LGALS2: variants seen among roughly 807,000 people sequenced by gnomAD.
LGALS2 encodes galectin 2.
A neutral mutation model predicts 10.1 loss-of-function variants in LGALS2; 7 were observed. The observed-to-expected ratio is 0.70, with a 90% confidence interval of 0.40 to 1.31. LGALS2 has a LOEUF of 1.31. Ranked by LOEUF, LGALS2 falls within the 50% of genes most tolerant of loss-of-function variation. The probability of loss-of-function intolerance (pLI) is 0.01; values close to 1 mark genes in which losing one functional copy is unlikely to be tolerated. For synonymous variants in LGALS2, 86 were observed against 64.2 expected, an observed-to-expected ratio of 1.34 and a Z score of -1.63; for missense variants, 167 against 163.6, an observed-to-expected ratio of 1.02 and a Z score of -0.11.
At position 37,570,284 on chromosome 22, in the gene LGALS2, G is replaced by C; in HGVS notation, c.378C>G (p.Ser126=). The C allele has an allele frequency of 6.2e-7, 1 of 1,608,368 alleles. No individual in the cohort carries two copies. Among genetic ancestry groups the C allele is most frequent in the Non-Finnish European group, 8.5e-7 (1 of 1,175,474 alleles). ...TCTTTTATTCTTTTAACTTGAAAGA[G>C]GACATGTTGAACCCGCCCCTTACGC... ...YLSVRGGFNM[S]SFKLKE The change falls in exon 4 of 4, where the codon TCC becomes TCG. Residue 126 remains serine, a synonymous_variant. Coordinates refer to ENST00000215886, the MANE Select transcript of LGALS2 (RefSeq NM_006498.3).
At chr22:37,577,751 G>A (rs911597159) in intron 1 of LGALS2, among the ~76,000 whole-genome samples, 2 of 152,078 alleles carry the variant, frequency 1.3e-5, no homozygotes, top group Non-Finnish European at 2.9e-5. Flanking sequence ...GTTTAGGGTT[G>A]GTCCTAAATC....
chr22:37,579,785 G>T, intron 1 of LGALS2, 115 bp downstream of exon 1: 1 of 1,145,968 alleles, frequency 8.7e-7, no homozygotes, highest in Non-Finnish European at 1.3e-6. Flanking sequence ...TTGCTGCACA[G>T]ATGGGGAAAC....
intron 1 of LGALS2, among the ~76,000 whole-genome samples, chr22:37,574,386 C>T (rs1925600474): frequency 6.6e-6 from 1 of 151,592 alleles, no homozygotes; most frequent in Non-Finnish European, 1.5e-5. Flanking sequence ...TGTGGTGGCA[C>T]ATGCCTGTCG....
chr22:37,579,155 A>G (rs1325560857), intron 1 of LGALS2, among the ~76,000 whole-genome samples: 1 of 138,606 alleles, frequency 7.2e-6, no homozygotes, highest in East Asian at 2.2e-4. Context: ...GGCTGAGACC[A>G]GAGAATTGCT....
intron 1 of LGALS2, among the ~76,000 whole-genome samples, chr22:37,577,644 G>T (rs1250024365): frequency 6.6e-6 from 1 of 151,906 alleles, no homozygotes; most frequent in Non-Finnish European, 1.5e-5. Context: ...CTCCCAAAGT[G>T]CTGGGATTAC....
At chr22:37,576,076 G>T (rs1205360272) in intron 1 of LGALS2, among the ~76,000 whole-genome samples, 1 of 152,184 alleles carries the variant, frequency 6.6e-6, no homozygotes, top group Non-Finnish European at 1.5e-5. Flanking sequence ...GGGTTTGGAG[G>T]CTGGACACCT....
At position 37,570,338 on chromosome 22, in the gene LGALS2, C is replaced by A; in HGVS notation, c.324G>T (p.Arg108Ser). ...PDGHELTFPN[R>S]LGHSHLSYLS... ...GGTAGCTCAGGTGGCTGTGACCCAG[C>A]CTGTTGGGAAAAGTCAGCTCGTGCC... The change falls in exon 4 of 4, where the codon AGG becomes AGT. Residue 108 changes from arginine (R) to serine (S), a missense_variant. Arg to Ser is a moderately radical substitution (Grantham distance 110). Coordinates refer to ENST00000215886, the MANE Select transcript of LGALS2 (RefSeq NM_006498.3). The A allele has an allele frequency of 1.2e-6, 2 of 1,614,096 alleles. No homozygotes were observed. The highest frequency in any genetic ancestry group is 1.1e-5 in the South Asian group (1 of 91,090).
intron 1 of LGALS2, among the ~76,000 whole-genome samples, chr22:37,575,708 G>C (rs1443915023): frequency 6.6e-6 from 1 of 151,924 alleles, no homozygotes; most frequent in Non-Finnish European, 1.5e-5. Context: ...TCCCACCTCG[G>C]CCTCCCAAAG....
At chr22:37,579,237 G>A (rs1925775996) in intron 1 of LGALS2, among the ~76,000 whole-genome samples, 1 of 60,624 alleles carries the variant, frequency 1.6e-5, no homozygotes, top group African/African-American at 6.6e-5. Context: ...AACAGAGCGA[G>A]ACTCCATCTC....
chr22:37,576,578 C>G (rs1183873963), intron 1 of LGALS2, among the ~76,000 whole-genome samples: 4 of 152,098 alleles, frequency 2.6e-5, no homozygotes, highest in Admixed American at 6.6e-5. Flanking sequence ...CAGGTGTGCC[C>G]GCCACACAGA....
intron 1 of LGALS2, among the ~76,000 whole-genome samples, chr22:37,578,459 T>A (rs1005839922): frequency 5.3e-5 from 8 of 152,142 alleles, no homozygotes; most frequent in Admixed American, 4.6e-4. Flanking sequence ...CGTAGTGGCA[T>A]GCACCTGTAG....
chr22:37,572,868 G>T (rs1160646304), intron 1 of LGALS2, among the ~76,000 whole-genome samples: 2 of 151,724 alleles, frequency 1.3e-5, no homozygotes, highest in Admixed American at 1.3e-4. Context: ...CTACTTGGGA[G>T]GCTGAGGCGG....
At chr22:37,576,644 T>C (rs896410182) in intron 1 of LGALS2, among the ~76,000 whole-genome samples, 1 of 152,080 alleles carries the variant, frequency 6.6e-6, no homozygotes, top group Non-Finnish European at 1.5e-5. Flanking sequence ...CATCAGGAGA[T>C]GGCTCCCTGC....
At position 37,571,945 on chromosome 22, in the gene LGALS2, G is replaced by A. The variant is rs1925511663; in HGVS notation, c.7-14C>T. 6.2e-7 allele frequency: 1 copy of A among 1,608,872 alleles called. No individual in the cohort carries two copies. The highest frequency in any genetic ancestry group is 8.5e-7 in the Non-Finnish European group (1 of 1,175,216). On this transcript the variant is annotated splice_polypyrimidine_tract_variant and intron_variant, in intron 1 of 3. Transcript: ENST00000215886. Reference sequence around the variant, plus strand: ...CTCAAGTTCCCCCTGGGCCAACAGAGAAACATTCCACTCGAGTCCCCACAG... The same window carrying A: ...CTCAAGTTCCCCCTGGGCCAACAGAAAAACATTCCACTCGAGTCCCCACAG...
chr22:37,577,063 A>C (rs934738066), intron 1 of LGALS2, among the ~76,000 whole-genome samples: 6 of 152,152 alleles, frequency 3.9e-5, no homozygotes, highest in African/African-American at 1.4e-4. Context: ...GCCTGGGGCC[A>C]GCTTAGCCCC....
intron 1 of LGALS2, among the ~76,000 whole-genome samples, chr22:37,573,549 T>A (rs1171054019): frequency 6.6e-6 from 1 of 152,110 alleles, no homozygotes; most frequent in Non-Finnish European, 1.5e-5. Flanking sequence ...GTTGTTGTTG[T>A]TGCTGAATGC....
chr22:37,571,867 A>G lies in LGALS2; in HGVS notation c.71T>C (p.Ile24Thr). ...TGCTCACCCATCAGTGCCATCGGCG[A>G]TGCTGCCTGTGATCTTCAGGGTTGA... ...PGSTLKITGS[I>T]ADGTDGFVIN... Residue 24 changes from isoleucine to threonine, a missense_variant, in exon 2 of 4, where the codon ATC (isoleucine) becomes ACC (threonine). Transcript: ENST00000215886. 1 of 1,614,078 alleles carries G rather than the reference A, an allele frequency of 6.2e-7. No individual in the cohort carries two copies. The highest frequency in any genetic ancestry group is 8.5e-7 in the Non-Finnish European group (1 of 1,179,964).
chr22:37,571,294 G>T (rs1439864257), intron 2 of LGALS2, among the ~76,000 whole-genome samples: 3 of 152,188 alleles, frequency 2.0e-5, no homozygotes, highest in Non-Finnish European at 4.4e-5. Context: ...GCATGCACCT[G>T]CCCGCCCCCT....
intron 1 of LGALS2, 37 bp from the exon 2 acceptor site, chr22:37,571,968 C>T: frequency 6.4e-7 from 1 of 1,555,388 alleles, no homozygotes; most frequent in Non-Finnish European, 8.9e-7. Context: ...CGAGTCCCCA[C>T]AGAAAATCAA....
Sources: gnomAD v4.1 joint callset for allele counts (sites outside exome capture counted in the v4.1 genomes callset) on GRCh38, gnomAD v4.1.1 for gene constraint, MANE v1.5 for transcripts, NCBI Gene and HGNC (gene_info 2026-07-23, HGNC 2026-07-21) for gene names.